Variants in AKAP9 observed in about 807,000 individuals in gnomAD.
The protein encoded by AKAP9 is A-kinase anchoring protein 9.
Under a neutral mutation model 488.5 loss-of-function variants are expected in AKAP9, and 311 were observed. That is an observed-to-expected ratio of 0.64 (90% CI 0.58 to 0.70). The LOEUF (loss-of-function observed/expected upper bound fraction) is 0.70, where lower values mean the gene tolerates loss of function less well. Ranked by LOEUF, AKAP9 falls within the 30% of genes least tolerant of loss-of-function variation. The pLI is 0.00. For synonymous variants in AKAP9, 1,462 were observed against 1,483.5 expected (o/e 0.99, Z 0.33); for missense variants, 4,215 against 4,374.5 (o/e 0.96, Z 1.03).
chr7:92,106,707 C>T lies in AKAP9; in HGVS notation c.11417-586C>T, dbSNP rs926236397. 3.3e-5 allele frequency among the ~76,000 whole-genome samples: 5 copies of T among 152,204 alleles called. No individual in the cohort carries two copies. The South Asian group carries it at 6.2e-4, about 19-fold the overall frequency. ...ATGAGGTCCGAATCTGGGGAGCACA[C>T]AGAGGACACAGCATCCCTGTGCTGT... On this transcript the variant is annotated intron_variant, in intron 47 of 49. Coordinates refer to ENST00000356239, the MANE Select transcript of AKAP9 (RefSeq NM_005751.5).
chr7:92,107,353 C>G lies in AKAP9; in HGVS notation c.11477C>G (p.Pro3826Arg). The change falls in exon 48 of 50, where the codon CCA becomes CGA. Residue 3826 changes from proline to arginine, a missense_variant. By Grantham distance (103) the Pro-to-Arg change is moderately radical. Transcript: ENST00000356239. ...SSGGLELYGE[P>R]RHTTYRSRSD... ...GGTGGGCTGGAGTTATATGGAGAACCAAGACATACTACGTATCGCTCAAGA... is the reference window on the plus strand; with the variant it reads ...GGTGGGCTGGAGTTATATGGAGAACGAAGACATACTACGTATCGCTCAAGA... 1 of 1,613,560 alleles carries G rather than the reference C, an allele frequency of 6.2e-7. No homozygotes were observed. The highest frequency in any genetic ancestry group is 8.5e-7 in the Non-Finnish European group (1 of 1,179,676).
intron 14 of AKAP9, among the ~76,000 whole-genome samples, chr7:92,024,931 T>G (rs1802884587): frequency 6.6e-6 from 1 of 152,214 alleles, no homozygotes; most frequent in African/African-American, 2.4e-5. Flanking sequence ...TTCTTTGAGA[T>G]TGGTGGTTTC....
rs780099038 is a variant in AKAP9 at position 92,086,339 on chromosome 7, C to T, written c.9136C>T (p.Arg3046Trp). ...GCGTAGTGTTTTACTAGCAGCATTTCGGACGGAGCTGACAGCTCTAGGTAC... is the reference window on the plus strand; with the variant it reads ...GCGTAGTGTTTTACTAGCAGCATTTTGGACGGAGCTGACAGCTCTAGGTAC... Reference protein sequence around the residue: ...EERSVLLAAFRTELTALGTTD... With the variant: ...EERSVLLAAFWTELTALGTTD... Residue 3046 changes from arginine to tryptophan, a missense_variant, in exon 37 of 50, where the codon CGG (arginine) becomes TGG (tryptophan). Physicochemically the swap from Arg to Trp is moderately radical, Grantham distance 101. Around this residue, in one of 5 missense-constraint regions of AKAP9, gnomAD observed 1,476 missense variants for 1,477.4 expected, o/e 1.00. Coordinates refer to ENST00000356239, the MANE Select transcript of AKAP9 (RefSeq NM_005751.5). The T allele has an allele frequency of 3.2e-5, 52 of 1,613,808 alleles. No homozygotes were observed. The highest frequency in any genetic ancestry group is 1.6e-4 in the Middle Eastern group (1 of 6,084).
At chr7:91,955,044 A>G (rs1792780861) in intron 1 of AKAP9, among the ~76,000 whole-genome samples, 1 of 152,146 alleles carries the variant, frequency 6.6e-6, no homozygotes, top group African/African-American at 2.4e-5. Context: ...TGTATGACAC[A>G]CTCATTTTAG....
At chr7:92,080,387 A>G (rs1813311832) in intron 31 of AKAP9, among the ~76,000 whole-genome samples, 1 of 152,194 alleles carries the variant, frequency 6.6e-6, no homozygotes, top group Non-Finnish European at 1.5e-5. Context: ...TCTTGAGGTC[A>G]GGAGATCGAG....
Position 91,980,386 on chromosome 7 carries a change from TA to T in AKAP9, c.351+54del, listed in dbSNP as rs1438396401. On this transcript the variant is annotated intron_variant, in intron 3 of 49. Transcript: ENST00000356239. ...TATCATAAATGTATATTTATATTAT[TA>T]TTGAAATCATTGATTGTTGCTACTT... The T allele has an allele frequency of 6.0e-5, 52 of 871,132 alleles. No individual in the cohort carries two copies. In the African/African-American group the frequency reaches 7.9e-4, roughly 13 times the overall value. 54.0% of individuals were successfully genotyped at this position (871,132 alleles called of 1,614,324 possible). A position where few individuals can be genotyped will look rare whatever the true frequency, so the allele number is the denominator to read the frequency against.
rs779524120 is a variant in AKAP9, at chr7:92,084,886, A to G, written c.8778A>G (p.Glu2926=). ...GTCAGGGATTTGACATAGCATCAGA[A>G]GGCCGAGGAGAAGAAAGTGAAAGTG... ...THSQGFDIAS[E]GRGEESESAT... The change falls in exon 35 of 50, where the codon GAA becomes GAG. Residue 2926 remains glutamate (E), a synonymous_variant. Transcript: ENST00000356239. 6.2e-6 allele frequency: 10 copies of G among 1,613,620 alleles called. No individual in the cohort carries two copies. The East Asian group carries it at 2.0e-4, about 32-fold the overall frequency.
In AKAP9 at chr7:92,002,019, A is replaced by G; in HGVS notation, c.2102A>G (p.Lys701Arg). ...KQNQLILEIS[K>R]LKDLQQSLVN... ...AATCAATTAATTTTGGAAATTTCAA[A>G]GCTAAAAGATTTACAGCAGTCTCTT... The change falls in exon 8 of 50, where the codon AAG (lysine) becomes AGG (arginine). Residue 701 changes from lysine (K) to arginine (R), a missense_variant. Around this residue, in one of 5 missense-constraint regions of AKAP9, gnomAD observed 2,361 missense variants for 2,430.0 expected, o/e 0.97. Coordinates refer to ENST00000356239, the MANE Select transcript of AKAP9 (RefSeq NM_005751.5). The G allele has an allele frequency of 6.2e-7, 1 of 1,611,032 alleles. No individual in the cohort carries two copies. The highest frequency in any genetic ancestry group is 8.5e-7 in the Non-Finnish European group (1 of 1,179,066).
At chr7:92,086,798 A>C (rs953615968) in intron 37 of AKAP9, among the ~76,000 whole-genome samples, 1 of 152,174 alleles carries the variant, frequency 6.6e-6, no homozygotes, top group African/African-American at 2.4e-5. Context: ...CAGTCAGCAC[A>C]TAACCTTGTC....
At position 92,102,730 on chromosome 7, in the gene AKAP9, G is replaced by T. The variant is rs140853603; in HGVS notation, c.11234G>T (p.Gly3745Val). ...TTGGCCCTGCTTGCCCGGATGGGGG[G>T]GCAGCCAGCTTTCACGGATCTAGAG... ...ATLALLARMGGQPAFTDLEVI... is the reference protein window; with the variant it reads ...ATLALLARMGVQPAFTDLEVI... Residue 3745 changes from glycine (G) to valine (V), a missense_variant, in exon 46 of 50, where the codon GGG becomes GTG. Gly to Val is a moderately radical substitution (Grantham distance 109, BLOSUM62 -3). This residue lies in a region of AKAP9 where 253 missense variants were observed against 266.8 expected (regional missense o/e 0.95). Coordinates refer to ENST00000356239, the MANE Select transcript of AKAP9 (RefSeq NM_005751.5). 3.7e-5 allele frequency: 60 copies of T among 1,614,088 alleles called. No homozygotes were observed. The highest frequency in any genetic ancestry group is 1.1e-5 in the South Asian group (1 of 91,090).
Position 92,108,651 on chromosome 7 carries a change from A to T in AKAP9, c.11686+18A>T. On this transcript the variant is annotated intron_variant, in intron 49 of 49. Coordinates refer to ENST00000356239, the MANE Select transcript of AKAP9 (RefSeq NM_005751.5). ...ACAGTCAGGTGCTCTGAGTTTAACC[A>T]CATCTTGGCAGCACCACAGTGCGAG... is the stretch of plus-strand genomic sequence containing the variant. The T allele has an allele frequency of 6.2e-7, 1 of 1,614,118 alleles. No homozygotes were observed. Among genetic ancestry groups the T allele is most frequent in the South Asian group, 1.1e-5 (1 of 91,072 alleles).
intron 23 of AKAP9, 51 bp downstream of exon 23, chr7:92,061,473 A>G: frequency 1.2e-6 from 2 of 1,603,814 alleles, no homozygotes; most frequent in Non-Finnish European, 1.7e-6. Context: ...CAGTCTTAAA[A>G]TAGAGATTTT....
Position 91,987,151 on chromosome 7 carries a change from A to T in AKAP9, c.352-5007A>T, listed in dbSNP as rs1797200143. Among the ~76,000 whole-genome samples the T allele has an allele frequency of 3.3e-5, 5 of 152,234 alleles. No individual in the cohort carries two copies. In the South Asian group the frequency reaches 8.3e-4, roughly 25 times the overall value. On this transcript the variant is annotated intron_variant, in intron 3 of 49. Coordinates refer to ENST00000356239, the MANE Select transcript of AKAP9 (RefSeq NM_005751.5). ...AATTATGAGCCAGGCACGGTGGCTC[A>T]TTCATGCCTGTAATCCCACACTTTG...
chr7:92,013,930 TAGA>T lies in AKAP9; in HGVS notation c.3533-314_3533-312del, dbSNP rs369370333. ...GACATTGGAGTACATGGCACTACAG[TAGA>T]AGAATAAATATTGATTTCTGAGATT... On this transcript the variant is annotated intron_variant, in intron 9 of 49. Transcript: ENST00000356239. Among the ~76,000 whole-genome samples, 72 of 151,948 alleles carry T rather than the reference TAGA, an allele frequency of 4.7e-4. 1 individual carries two copies. The East Asian group carries it at 8.9e-3, about 19-fold the overall frequency.
chr7:91,961,185 A>C (rs547282888), intron 1 of AKAP9, among the ~76,000 whole-genome samples: 49 of 151,108 alleles, frequency 3.2e-4, no homozygotes, highest in African/African-American at 1.1e-3. Context: ...TTTGAGACGG[A>C]GTCTCACTCT....
intron 24 of AKAP9, among the ~76,000 whole-genome samples, chr7:92,064,028 C>T (rs1810356877): frequency 6.6e-6 from 1 of 152,150 alleles, no homozygotes; most frequent in Non-Finnish European, 1.5e-5. Flanking sequence ...GTGATCCGCC[C>T]ACCTCTGCCT....
chr7:92,091,384 G>A (rs1815530938), intron 38 of AKAP9, among the ~76,000 whole-genome samples: 2 of 151,964 alleles, frequency 1.3e-5, no homozygotes, highest in Admixed American at 6.6e-5. Flanking sequence ...TCAGGAGTAC[G>A]AGACCAGCCT....
intron 28 of AKAP9, among the ~76,000 whole-genome samples, chr7:92,073,523 A>G (rs1475086901): frequency 6.6e-6 from 1 of 152,126 alleles, no homozygotes; most frequent in Non-Finnish European, 1.5e-5. Context: ...AAAGAAAACA[A>G]AAATAGATGC....
chr7:92,077,015 G>A lies in AKAP9; in HGVS notation c.6765+8G>A, dbSNP rs939260726. 3.4e-6 allele frequency: 5 copies of A among 1,480,488 alleles called. No homozygotes were observed. The highest frequency in any genetic ancestry group is 4.6e-6 in the Non-Finnish European group (5 of 1,096,186). 91.7% of individuals were successfully genotyped at this position (1,480,488 alleles called of 1,614,324 possible). On this transcript the variant is annotated splice_region_variant and intron_variant, in intron 29 of 49. Transcript: ENST00000356239. ...GAAAACAAATTATTTAAGGTAATTA[G>A]TTAAGAAAAACTTTTATCTGTAAAT...
Sources: allele counts gnomAD v4.1 joint callset (sites outside exome capture counted in the v4.1 genomes callset), GRCh38; gene constraint gnomAD v4.1.1; regional missense constraint gnomAD v4.1.1; transcripts MANE v1.5; gene names NCBI Gene and HGNC (gene_info 2026-07-23, HGNC 2026-07-21).